The following ZNF81 variants were observed in gnomAD, a reference collection of about 807,000 sequenced individuals.
The protein encoded by ZNF81 is zinc finger protein 81, also known as zinc finger protein 81 (HFZ20).
A neutral mutation model predicts 32.3 loss-of-function variants in ZNF81; 5 were observed. The ratio of observed to expected loss-of-function variants is 0.15; its 90% CI spans 0.08 to 0.33. The LOEUF is 0.33. Among genes scored for constraint, ZNF81 ranks in the 10% least tolerant of loss-of-function variants. ZNF81 has a pLI of 1.00. For synonymous variants in ZNF81, 163 were observed against 166.8 expected, an observed-to-expected ratio of 0.98 and a Z score of 0.17; for missense variants, 379 against 479.8, an observed-to-expected ratio of 0.79 and a Z score of 1.96.
intron 2 of ZNF81, among the ~76,000 whole-genome samples, chrX:47,864,762 A>G (rs996983952): frequency 1.3e-4 from 14 of 111,859 alleles, no homozygotes; most frequent in African/African-American, 3.9e-4. Flanking sequence ...TACCATAGGC[A>G]TCTATGGGGT....
intron 2 of ZNF81, among the ~76,000 whole-genome samples, chrX:47,885,039 A>G (rs1340146963): frequency 8.9e-6 from 1 of 111,957 alleles, no homozygotes; most frequent in Non-Finnish European, 1.9e-5. Context: ...ACCTAATCAA[A>G]GAACTCCTAA....
At chrX:47,878,755 T>C (rs2058609653) in intron 2 of ZNF81, among the ~76,000 whole-genome samples, 1 of 112,483 alleles carries the variant, frequency 8.9e-6, no homozygotes, top group Admixed American at 9.4e-5. Flanking sequence ...ATATTAGTTT[T>C]CTATCACTGC....
rs781962173 is a variant in ZNF81, at chrX:47,923,502, G to C, written c.*6870G>C. On this transcript the variant is annotated 3_prime_UTR_variant, in exon 5 of 5. Coordinates refer to ENST00000338637, the MANE Select transcript of ZNF81 (RefSeq NM_007137.5). ...TGTTTCCAACAAGTGTTTTAATGGA[G>C]GACTTGTCCAAATTAGACATCAATT... 5.0e-4 allele frequency among the ~76,000 whole-genome samples: 56 copies of C among 112,082 alleles called. 1 individual carries two copies. Among genetic ancestry groups the C allele is most frequent in the Non-Finnish European group, 2.6e-4 (14 of 53,186 alleles).
intron 2 of ZNF81, among the ~76,000 whole-genome samples, chrX:47,887,598 A>G (rs879961179): frequency 8.9e-6 from 1 of 111,872 alleles, no homozygotes; most frequent in Non-Finnish European, 1.9e-5. Context: ...GAAAGAGGCC[A>G]TATTTTTGAA....
intron 1 of ZNF81, among the ~76,000 whole-genome samples, chrX:47,839,696 T>C (rs1344106538): frequency 8.9e-6 from 1 of 112,123 alleles, no homozygotes; most frequent in Non-Finnish European, 1.9e-5. Context: ...ATAAGAGACA[T>C]TCAACCTGCA....
At chrX:47,898,064 G>C (rs2058685822) in intron 4 of ZNF81, among the ~76,000 whole-genome samples, 1 of 111,381 alleles carries the variant, frequency 9.0e-6, no homozygotes, top group African/African-American at 3.3e-5. Context: ...GCATAGGCCA[G>C]AGCCTTTATT....
Position 47,915,005 on chromosome X carries a change from C to A in ZNF81, c.359C>A (p.Thr120Lys). Residue 120 changes from threonine to lysine, a missense_variant, in exon 5 of 5, where the codon ACA (threonine) becomes AAA (lysine). Around this residue, in one of 2 missense-constraint regions of ZNF81, gnomAD observed 277 missense variants for 306.6 expected, o/e 0.90. Transcript: ENST00000338637. ...CATAGTGAAATGGAGGGTGAAGACA[C>A]AAGAGATGATTCATTATACTCTATT... ...TFHSEMEGED[T>K]RDDSLYSILE... 8.3e-7 allele frequency: 1 copy of A among 1,206,445 alleles called. No homozygotes were observed. The highest frequency in any genetic ancestry group is 1.1e-6 in the Non-Finnish European group (1 of 892,710).
chrX:47,841,204 A>T, intron 1 of ZNF81: 1 of 750,080 alleles, frequency 1.3e-6, no homozygotes, highest in Non-Finnish European at 2.1e-6. Context: ...ACTGTCTGTC[A>T]GAGGGATGGT....
intron 2 of ZNF81, among the ~76,000 whole-genome samples, chrX:47,851,349 G>A (rs782668140): frequency 7.2e-5 from 8 of 110,877 alleles, no homozygotes; most frequent in Non-Finnish European, 1.3e-4. Context: ...TGCCTGCCTC[G>A]TGGGTTGTGT....
chrX:47,901,911 C>T (rs1450535023), intron 4 of ZNF81, among the ~76,000 whole-genome samples: 1 of 111,433 alleles, frequency 9.0e-6, no homozygotes, highest in Non-Finnish European at 1.9e-5. Flanking sequence ...TCAGTGTTCA[C>T]GTCTCTTGTG....
At chrX:47,874,199 C>T (rs1556884245) in intron 2 of ZNF81, among the ~76,000 whole-genome samples, 2 of 112,220 alleles carry the variant, frequency 1.8e-5, no homozygotes, top group African/African-American at 6.5e-5. Context: ...AGGTTCACTG[C>T]TGTAATTTCT....
chrX:47,884,243 T>TA (rs56255807), intron 2 of ZNF81, among the ~76,000 whole-genome samples: 23 of 31,251 alleles, frequency 7.4e-4, no homozygotes, highest in South Asian at 4.0e-3. Context: ...AGACGTCATC[T>TA]AAAAAAAAAA....
rs1556891107 is a variant in ZNF81 at position 47,917,095 on chromosome X, GGCAGAACACAGT to G, written c.*472_*483del. On this transcript the variant is annotated 3_prime_UTR_variant, in exon 5 of 5. Coordinates refer to ENST00000338637, the MANE Select transcript of ZNF81 (RefSeq NM_007137.5). ...ACTTTCAGTTCCATAGGGTGTTTGT[GGCAGAACACAGT>G]GCAGAACAGGAGGAATATTACATTT... The G allele has an allele frequency of 1.4e-5, 4 of 282,953 alleles. No homozygotes were observed. 23.3% of individuals were successfully genotyped at this position (282,953 alleles called of 1,213,427 possible).
chrX:47,899,060 A>G (rs1344622002), intron 4 of ZNF81, among the ~76,000 whole-genome samples: 4 of 111,335 alleles, frequency 3.6e-5, no homozygotes, highest in East Asian at 2.8e-4. Flanking sequence ...ACACTTTTAC[A>G]TCTTCCTTTC....
At chrX:47,846,730 C>A (rs2058472429) in intron 2 of ZNF81, among the ~76,000 whole-genome samples, 1 of 111,730 alleles carries the variant, frequency 9.0e-6, no homozygotes, top group Non-Finnish European at 1.9e-5. Flanking sequence ...ATTCCAGCTG[C>A]CCAGAAGCAA....
At chrX:47,897,708 T>G (rs781934499) in intron 4 of ZNF81, among the ~76,000 whole-genome samples, 1 of 112,379 alleles carries the variant, frequency 8.9e-6, no homozygotes. Flanking sequence ...TGATTCATTT[T>G]TCAATACTGA....
intron 1 of ZNF81, among the ~76,000 whole-genome samples, chrX:47,841,879 C>T (rs2058451149): frequency 9.0e-6 from 1 of 111,237 alleles, no homozygotes; most frequent in Non-Finnish European, 1.9e-5. Context: ...TTTGAGTTTT[C>T]TTTTTCTAGT....
chrX:47,851,272 T>C (rs782559028), intron 2 of ZNF81, among the ~76,000 whole-genome samples: 111 of 111,945 alleles, frequency 9.9e-4, no homozygotes, highest in Middle Eastern at 4.6e-3. Flanking sequence ...ACAGATGATA[T>C]ATACATTTTT....
intron 2 of ZNF81, among the ~76,000 whole-genome samples, chrX:47,870,412 C>G (rs1353903631): frequency 1.8e-5 from 2 of 112,143 alleles, no homozygotes; most frequent in African/African-American, 6.5e-5. Context: ...TTTTTTTAGA[C>G]TTTGATTCAT....
Sources: gnomAD v4.1 joint callset for allele counts (sites outside exome capture counted in the v4.1 genomes callset) on GRCh38, gnomAD v4.1.1 for gene constraint, gnomAD v4.1.1 regional missense constraint, MANE v1.5 for transcripts, NCBI Gene and HGNC (gene_info 2026-07-23, HGNC 2026-07-21) for gene names.